MAST4: variants seen among roughly 807,000 people sequenced by gnomAD.
MAST4 encodes the protein microtubule-associated serine/threonine-protein kinase 4.
MAST4 carries 89 observed loss-of-function variants against 162.7 expected under a neutral mutation model. The ratio of observed to expected loss-of-function variants is 0.55; its 90% CI spans 0.46 to 0.65. The LOEUF (loss-of-function observed/expected upper bound fraction) is 0.65. Ranked by LOEUF, MAST4 falls within the 30% of genes least tolerant of loss-of-function variation. The pLI, the probability that MAST4 is intolerant of heterozygous loss-of-function variation, is 0.00. For missense variants in MAST4, 3,153 were observed against 3,374.0 expected (o/e 0.93, Z 1.62); for synonymous variants, 1,479 against 1,361.1 (o/e 1.09, Z -1.91).
At chr5:66,599,657 G>GTC (rs1368738623) in intron 1 of MAST4, among the ~76,000 whole-genome samples, 1 of 152,090 alleles carries the variant, frequency 6.6e-6, no homozygotes, top group Non-Finnish European at 1.5e-5. Context: ...TTATTTTATT[G>GTC]CTGCATAACT....
At chr5:67,104,082 A>G (rs772609785) in intron 9 of MAST4, among the ~76,000 whole-genome samples, 3 of 152,230 alleles carry the variant, frequency 2.0e-5, no homozygotes, top group Non-Finnish European at 4.4e-5. Flanking sequence ...CAGATGGTAC[A>G]GAGATTTCCC....
chr5:66,689,923 C>T (rs1376270783), intron 1 of MAST4, among the ~76,000 whole-genome samples: 4 of 152,130 alleles, frequency 2.6e-5, no homozygotes, highest in African/African-American at 4.8e-5. Flanking sequence ...GTCTTTTAGG[C>T]TTTTTTCACA....
rs1769209710 is a variant in MAST4, at chr5:67,133,182, ATTTTC to A, written c.2094-329_2094-325del. Among the ~76,000 whole-genome samples the A allele has an allele frequency of 6.8e-5, 10 of 146,902 alleles. No homozygotes were observed. In the South Asian group the frequency reaches 1.9e-3, roughly 28 times the overall value. On this transcript the variant is annotated intron_variant, in intron 16 of 28. Coordinates refer to ENST00000403625, the MANE Select transcript of MAST4 (RefSeq NM_001164664.2). ...TCCTGGTGTATGCCCTTTTTTTTTT[ATTTTC>A]TTATTGTGAAAATGGAAAGGGATCA...
chr5:66,976,653 G>A (rs1469916375), intron 4 of MAST4, among the ~76,000 whole-genome samples: 2 of 152,228 alleles, frequency 1.3e-5, no homozygotes, highest in East Asian at 1.9e-4. Flanking sequence ...GGAGATAGAA[G>A]GGATTCCGTA....
At chr5:66,860,256 G>A (rs1760000441) in intron 3 of MAST4, among the ~76,000 whole-genome samples, 1 of 152,202 alleles carries the variant, frequency 6.6e-6, no homozygotes, top group Non-Finnish European at 1.5e-5. Context: ...GTTGATACAT[G>A]TAATACACAA....
chr5:66,881,342 T>C (rs1183907273), intron 3 of MAST4, among the ~76,000 whole-genome samples: 2 of 152,192 alleles, frequency 1.3e-5, no homozygotes, highest in African/African-American at 2.4e-5. Flanking sequence ...ATCATACTCA[T>C]TATGGCTATT....
intron 3 of MAST4, among the ~76,000 whole-genome samples, chr5:66,880,579 T>C (rs1002293062): frequency 6.6e-6 from 1 of 152,164 alleles, no homozygotes; most frequent in South Asian, 2.1e-4. Flanking sequence ...TAGCTTCCCC[T>C]TAACAATGGA....
At position 66,894,906 on chromosome 5, in the gene MAST4, G is replaced by A. The variant is rs564704203; in HGVS notation, c.643-5045G>A. Among the ~76,000 whole-genome samples the A allele has an allele frequency of 4.2e-3, 642 of 152,216 alleles. 3 individuals carry two copies. The highest frequency in any genetic ancestry group is 6.8e-3 in the Non-Finnish European group (462 of 68,010). On this transcript the variant is annotated intron_variant, in intron 3 of 28. Transcript: ENST00000403625. ...TTTTCCTGCCCACTTGGAAGCTGGG[G>A]CAGAGACCCAGGTGTGATCATGTAA...
At chr5:66,800,424 C>T (rs773657739) in intron 3 of MAST4, among the ~76,000 whole-genome samples, 4 of 152,110 alleles carry the variant, frequency 2.6e-5, no homozygotes, top group Non-Finnish European at 5.9e-5. Context: ...CCATTATCCT[C>T]AGCAAATTAT....
chr5:66,968,370 A>G (rs1460712197), intron 4 of MAST4, among the ~76,000 whole-genome samples: 2 of 152,180 alleles, frequency 1.3e-5, no homozygotes, highest in Non-Finnish European at 2.9e-5. Context: ...TAGAGAAGGT[A>G]TGCTGTTTCT....
intron 1 of MAST4, among the ~76,000 whole-genome samples, chr5:66,634,615 G>A (rs116800435): frequency 0.016 from 2,466 of 152,264 alleles, 67 homozygotes; most frequent in African/African-American, 0.054. Context: ...GGGGACTGCT[G>A]TAGGTGCTTT....
chr5:66,683,974 CCTTAGGA>C (rs1748483317), intron 1 of MAST4, among the ~76,000 whole-genome samples: 1 of 152,076 alleles, frequency 6.6e-6, no homozygotes, highest in East Asian at 1.9e-4. Context: ...AGGTATGATG[CCTTAGGA>C]ATGACAGTGT....
chr5:66,912,060 G>A (rs1394295952), intron 4 of MAST4, among the ~76,000 whole-genome samples: 1 of 152,168 alleles, frequency 6.6e-6, no homozygotes, highest in Non-Finnish European at 1.5e-5. Context: ...GAGGCAGAGA[G>A]TATCTTCTAG....
At chr5:67,029,185 T>C (rs1304167805) in intron 4 of MAST4, among the ~76,000 whole-genome samples, 1 of 151,348 alleles carries the variant, frequency 6.6e-6, no homozygotes, top group East Asian at 1.9e-4. Context: ...CCAAAGGTAA[T>C]TAGTGTTGAA....
intron 4 of MAST4, among the ~76,000 whole-genome samples, chr5:67,051,619 T>C (rs1758193789): frequency 6.6e-6 from 1 of 152,108 alleles, no homozygotes; most frequent in African/African-American, 2.4e-5. Flanking sequence ...ATTGGATGAC[T>C]CTTCCTTCCT....
At chr5:67,038,243 T>C (rs1385200945) in intron 4 of MAST4, among the ~76,000 whole-genome samples, 2 of 52,788 alleles carry the variant, frequency 3.8e-5, no homozygotes, top group African/African-American at 1.7e-4. Context: ...TAGTTTCTCT[T>C]TTTTTTTTTT....
At chr5:66,744,911 G>T (rs1389486023) in intron 1 of MAST4, among the ~76,000 whole-genome samples, 2 of 152,032 alleles carry the variant, frequency 1.3e-5, no homozygotes. Context: ...GTTTATTTTT[G>T]GCTTCGATGC....
chr5:66,883,640 G>A (rs376038362), intron 3 of MAST4, among the ~76,000 whole-genome samples: 1 of 151,962 alleles, frequency 6.6e-6, no homozygotes, highest in African/African-American at 2.4e-5. Context: ...TGTTGGTCAG[G>A]CTGGCCTCGA....
In MAST4 at chr5:66,635,946, GTTTTTTTTTTTTT is replaced by G. The variant is rs530576186; in HGVS notation, c.363+38945_363+38957del. ...AAAATCACTGCATAAGATAGAGACT[GTTTTTTTTTTTTT>G]TTTTTTTTTTTTTTTTCGAGACAGA... is the stretch of plus-strand genomic sequence containing the variant. On this transcript the variant is annotated intron_variant, in intron 1 of 28. Coordinates refer to ENST00000403625, the MANE Select transcript of MAST4 (RefSeq NM_001164664.2). 8.9e-3 allele frequency among the ~76,000 whole-genome samples: 369 copies of G among 41,306 alleles called. 3 individuals are homozygous for G. The highest frequency in any genetic ancestry group is 0.013 in the Non-Finnish European group (274 of 21,496). 27.1% of individuals were successfully genotyped at this position (41,306 alleles called of 152,430 possible).
Sources: allele counts gnomAD v4.1 joint callset (sites outside exome capture counted in the v4.1 genomes callset), GRCh38; gene constraint gnomAD v4.1.1; transcripts MANE v1.5; gene names NCBI Gene and HGNC (gene_info 2026-07-23, HGNC 2026-07-21).